CDHR2: variants seen among roughly 807,000 people sequenced by gnomAD.
CDHR2 encodes cadherin-related family member 2.
CDHR2 carries 104 observed loss-of-function variants against 138.6 expected under a neutral mutation model. The ratio of observed to expected loss-of-function variants is 0.75; its 90% CI spans 0.64 to 0.88. CDHR2 has a LOEUF of 0.88. Ranked by LOEUF, CDHR2 falls within the 40% of genes least tolerant of loss-of-function variation. The pLI, the probability that CDHR2 is intolerant of heterozygous loss-of-function variation, is 0.00. For synonymous variants in CDHR2, 755 were observed against 742.8 expected (o/e 1.02, Z -0.27); for missense variants, 1,624 against 1,727.6 (o/e 0.94, Z 1.06).
chr5:176,564,806 G>A (rs973214026), intron 1 of CDHR2, among the ~76,000 whole-genome samples: 1 of 152,038 alleles, frequency 6.6e-6, no homozygotes, highest in Non-Finnish European at 1.5e-5. Flanking sequence ...GGTGAACGAA[G>A]GACCCTGCCC....
rs972837064 is a variant in CDHR2, at chr5:176,543,536, G to A, written c.-16+767G>A. ...AGCCTCTTTCGGCCGCGCCCGCCCA[G>A]CGTCAGTCGGCCAGGGGTGCGTAAG... On this transcript the variant is annotated intron_variant, in intron 1 of 31. Coordinates refer to the CDHR2 transcript ENST00000510636. The surrounding 1 kb of genome is among the most constrained non-coding windows in gnomAD (Gnocchi z 4.0). 1.3e-5 allele frequency: 2 copies of A among 152,186 alleles called. No individual in the cohort carries two copies. The highest frequency in any genetic ancestry group is 4.8e-5 in the African/African-American group (2 of 41,464). 9.4% of individuals were successfully genotyped at this position (152,186 alleles called of 1,614,324 possible). A position where few individuals can be genotyped will look rare whatever the true frequency, so the allele number is the denominator to read the frequency against.
Position 176,584,607 on chromosome 5 carries a change from T to G in CDHR2, c.2326T>G (p.Leu776Val). The change falls in exon 19 of 32, where the codon TTG (leucine) becomes GTG (valine). Residue 776 changes from leucine to valine, a missense_variant. Transcript: ENST00000261944. ...LDYETQPVFN[L>V]TVSAENPDPQ... ...TTACGAGACACAGCCCGTCTTCAAC[T>G]TGACAGTGAGTGCTGAGAACCCAGA... 6.2e-7 allele frequency: 1 copy of G among 1,607,170 alleles called. No individual in the cohort carries two copies.
intron 31 of CDHR2, 33 bp downstream of exon 31, chr5:176,592,813 T>G: frequency 6.3e-7 from 1 of 1,598,768 alleles, no homozygotes; most frequent in East Asian, 2.2e-5. Flanking sequence ...GCCTGGAGGT[T>G]CCAACTTGGG....
At chr5:176,565,210 T>C (rs748066348) in intron 1 of CDHR2, 128 bp from the exon 2 acceptor site, 3 of 693,542 alleles carry the variant, frequency 4.3e-6, no homozygotes, top group South Asian at 3.4e-5. Context: ...CAGAGGGTGA[T>C]AGAGGCCCTG....
Position 176,577,470 on chromosome 5 carries a change from G to C in CDHR2, c.1266G>C (p.Arg422=). The C allele has an allele frequency of 6.2e-7, 1 of 1,610,680 alleles. No individual in the cohort carries two copies. The highest frequency in any genetic ancestry group is 1.3e-5 in the African/African-American group (1 of 75,014). ...AAGCCTTCAGCGTCTCCCCGGAGCG[G>C]GCAGTGGGCTCAGCCTCCGTTCAGG... ...DAEAFSVSPE[R]AVGSASVQVL... is the part of the protein sequence containing the mutation. Residue 422 remains arginine (R), a synonymous_variant, in exon 13 of 32, where the codon CGG becomes CGC. Transcript: ENST00000261944.
intron 1 of CDHR2, among the ~76,000 whole-genome samples, chr5:176,563,770 A>C (rs894952463): frequency 6.6e-5 from 10 of 152,238 alleles, no homozygotes; most frequent in Admixed American, 1.3e-4. Flanking sequence ...CTCCTGGGCC[A>C]CAAGTGGGGC....
rs747771896 is a variant in CDHR2 at position 176,590,118 on chromosome 5, G to A, written c.3247G>A (p.Asp1083Asn). ...QATRTTVYIV[D>N]IQDIDSAARA... ...AACCAGGACTACAGTATACATTGTG[G>A]ACATTCAGGACATAGATTCTGCAGC... The change falls in exon 25 of 32, where the codon GAC becomes AAC. Residue 1083 changes from aspartate (D) to asparagine (N), a missense_variant. Around this residue, in one of 3 missense-constraint regions of CDHR2, gnomAD observed 556 missense variants for 565.7 expected, o/e 0.98. Transcript: ENST00000261944. 5.0e-6 allele frequency: 8 copies of A among 1,613,878 alleles called. No individual in the cohort carries two copies. Among genetic ancestry groups the A allele is most frequent in the Non-Finnish European group, 6.8e-6 (8 of 1,179,994 alleles).
At chr5:176,570,750 A>G (rs1581138264) in intron 5 of CDHR2, among the ~76,000 whole-genome samples, 1 of 152,176 alleles carries the variant, frequency 6.6e-6, no homozygotes, top group Non-Finnish European at 1.5e-5. Flanking sequence ...TCGGGAGTTC[A>G]AGAGCAGCCT....
chr5:176,581,313 C>T (rs2113309896), intron 16 of CDHR2, 30 bp from the exon 17 acceptor site: 2 of 1,608,222 alleles, frequency 1.2e-6, no homozygotes, highest in Non-Finnish European at 8.5e-7. Context: ...ATGCCGATGG[C>T]CGATGACCAA....
chr5:176,581,497 AG>A lies in CDHR2; in HGVS notation c.1976del (p.Gly659AlafsTer5). 6.2e-7 allele frequency: 1 copy of A among 1,614,150 alleles called. No homozygotes were observed. The highest frequency in any genetic ancestry group is 8.5e-7 in the Non-Finnish European group (1 of 1,180,038). On this transcript the variant is annotated frameshift_variant, in exon 17 of 32. Coordinates refer to ENST00000261944, the MANE Select transcript of CDHR2 (RefSeq NM_017675.6). LOFTEE classifies it high-confidence loss of function. ...LDREAIDPALEGRIVLTVLVS... is the reference protein window; with the variant it reads ...LDREAIDPALXGRIVLTVLVS... ...AGAGAGGCCATCGACCCCGCCCTGG[AG>A]GGCCGCATTGTGCTGACAGTGCTTG...
chr5:176,592,860 C>A, intron 31 of CDHR2, 80 bp downstream of exon 31: 1 of 1,220,394 alleles, frequency 8.2e-7, no homozygotes, highest in Non-Finnish European at 1.2e-6. Flanking sequence ...GCTCAAGGGA[C>A]CTGCTACTGA....
intron 1 of CDHR2, among the ~76,000 whole-genome samples, chr5:176,554,900 C>T (rs1326754910): frequency 1.3e-5 from 2 of 152,112 alleles, no homozygotes; most frequent in Non-Finnish European, 2.9e-5. Flanking sequence ...GTGATCTGCC[C>T]GCCTTGGCCT....
In CDHR2 at chr5:176,577,492, C is replaced by T. The variant is rs1440422480; in HGVS notation, c.1288C>T (p.Gln430Ter). 1.2e-6 allele frequency: 2 copies of T among 1,612,038 alleles called. No homozygotes were observed. The highest frequency in any genetic ancestry group is 1.7e-5 in the Admixed American group (1 of 59,626). ...GCGGGCAGTGGGCTCAGCCTCCGTT[C>T]AGGTGCTGGTGAGAGTATCCGCGCT... ...PERAVGSASV[Q>*]VLVRVSALVD... The change falls in exon 13 of 32, where the codon CAG becomes TAG. Residue 430 changes from glutamine (Q) to a stop codon, truncating the protein, a stop_gained. Transcript: ENST00000261944. LOFTEE classifies it high-confidence loss of function.
rs544667008 is a variant in CDHR2 at position 176,592,304 on chromosome 5, ATGGTGG to A, written c.3735-407_3735-402del. Reference sequence around the variant, plus strand: ...GGTGATGGTGATGGTGGTGATGGTGATGGTGGTGGTGGTGGTGTTGGTGTTGAGGTG... The same window carrying A: ...GGTGATGGTGATGGTGGTGATGGTGATGGTGGTGGTGTTGGTGTTGAGGTG... On this transcript the variant is annotated intron_variant, in intron 30 of 31. Coordinates refer to ENST00000261944, the MANE Select transcript of CDHR2 (RefSeq NM_017675.6). Among the ~76,000 whole-genome samples the A allele has an allele frequency of 1.8e-3, 159 of 88,752 alleles. 3 individuals carry two copies. Among genetic ancestry groups the A allele is most frequent in the African/African-American group, 7.1e-3 (149 of 20,950 alleles). The allele number at this position is 88,752 out of a possible 152,430, so 58.2% of individuals were successfully genotyped here.
chr5:176,581,863 G>A lies in CDHR2; in HGVS notation c.2058+281G>A, dbSNP rs10072564. On this transcript the variant is annotated intron_variant, in intron 17 of 31. Transcript: ENST00000261944. The stretch of plus-strand genomic sequence containing the variant: ...GTATCAGTGAATATCAGCTCTAATT[G>A]TCACTCATAAAGTCCCACCTGAAAC... Among the ~76,000 whole-genome samples, 1,165 of 152,272 alleles carry A rather than the reference G, an allele frequency of 7.7e-3. 13 individuals carry two copies. The highest frequency in any genetic ancestry group is 0.027 in the African/African-American group (1,105 of 41,552).
Position 176,584,447 on chromosome 5 carries a change from C to T in CDHR2, c.2166C>T (p.Asp722=), listed in dbSNP as rs1476933296. Residue 722 remains aspartate, a synonymous_variant, in exon 19 of 32, where the codon GAC becomes GAT. Transcript: ENST00000261944. ...LVGVVKAWDA[D]QTEANNRISF... Reference sequence around the variant, plus strand: ...GCGTGGTGAAGGCCTGGGACGCGGACCAGACGGAAGCCAACAACCGCATCA... The same window carrying T: ...GCGTGGTGAAGGCCTGGGACGCGGATCAGACGGAAGCCAACAACCGCATCA... 9.3e-6 allele frequency: 15 copies of T among 1,604,370 alleles called. No homozygotes were observed. The highest frequency in any genetic ancestry group is 1.3e-5 in the Non-Finnish European group (15 of 1,174,336).
intron 5 of CDHR2, among the ~76,000 whole-genome samples, chr5:176,570,558 G>C (rs563707920): frequency 6.6e-6 from 1 of 151,828 alleles, no homozygotes; most frequent in South Asian, 2.1e-4. Flanking sequence ...TATTGCCCAG[G>C]CTGGTCTTGA....
Position 176,578,592 on chromosome 5 carries a change from T to A in CDHR2, c.1802T>A (p.Val601Asp). ...NIFVQEEEGN[V>D]SVTIQAHDND... The stretch of plus-strand genomic sequence containing the variant: ...TTCGTCCAGGAGGAGGAGGGCAATG[T>A]CTCCGTGACCATCCAGGTGTGAGCC... The change falls in exon 16 of 32, where the codon GTC becomes GAC. Residue 601 changes from valine (V) to aspartate (D), a missense_variant. This residue lies in a region of CDHR2 where 1,061 missense variants were observed against 1,136.6 expected (regional missense o/e 0.93). Transcript: ENST00000261944. 6.2e-7 allele frequency: 1 copy of A among 1,611,882 alleles called. No homozygotes were observed. Among genetic ancestry groups the A allele is most frequent in the Non-Finnish European group, 8.5e-7 (1 of 1,179,980 alleles).
chr5:176,551,890 A>G (rs1184360063), intron 1 of CDHR2, among the ~76,000 whole-genome samples: 6 of 129,992 alleles, frequency 4.6e-5, no homozygotes, highest in South Asian at 5.2e-4. Context: ...TTTTTGGGGA[A>G]CTTTTAGTAG....
Sources: allele counts gnomAD v4.1 joint callset (sites outside exome capture counted in the v4.1 genomes callset), GRCh38; gene constraint gnomAD v4.1.1; regional missense constraint gnomAD v4.1.1; non-coding constraint Gnocchi (gnomAD v3.1); transcripts MANE v1.5; gene names NCBI Gene and HGNC (gene_info 2026-07-23, HGNC 2026-07-21).